LCOR: variants seen among roughly 807,000 people sequenced by gnomAD.
LCOR encodes the protein ligand dependent nuclear receptor corepressor.
In LCOR, 14 loss-of-function variants were observed where a neutral mutation model predicts 64.4. That is an observed-to-expected ratio of 0.22 (90% confidence interval 0.14 to 0.34). LCOR has a LOEUF of 0.34. Among genes scored for constraint, LCOR ranks in the 10% least tolerant of loss-of-function variants. The probability of loss-of-function intolerance (pLI) is 1.00; values close to 1 mark genes in which losing one functional copy is unlikely to be tolerated. For missense variants in LCOR, 1,686 were observed against 1,765.3 expected, an observed-to-expected ratio of 0.96 and a Z score of 0.80; for synonymous variants, 643 against 642.5, an observed-to-expected ratio of 1.00 and a Z score of -0.01.
chr10:96,938,228 T>C (rs956974348), intron 4 of LCOR, among the ~76,000 whole-genome samples: 1 of 149,850 alleles, frequency 6.7e-6, no homozygotes, highest in Admixed American at 6.6e-5. Flanking sequence ...ATTACAGGCA[T>C]GAGCCGCTGT....
At chr10:96,936,025 A>G (rs1220564565) in intron 4 of LCOR, among the ~76,000 whole-genome samples, 1 of 152,238 alleles carries the variant, frequency 6.6e-6, no homozygotes, top group Non-Finnish European at 1.5e-5. Context: ...TGATTCATGA[A>G]TCGGGCAGCC....
chr10:96,843,904 G>C (rs1198932736), intron 2 of LCOR, among the ~76,000 whole-genome samples: 1 of 151,972 alleles, frequency 6.6e-6, no homozygotes, highest in Non-Finnish European at 1.5e-5. Flanking sequence ...TTTCTTAAAA[G>C]CTACCATATG....
At chr10:96,871,348 T>C (rs1846069017) in intron 2 of LCOR, among the ~76,000 whole-genome samples, 5 of 151,406 alleles carry the variant, frequency 3.3e-5, no homozygotes, top group Admixed American at 3.3e-4. Flanking sequence ...GAGCCACCAC[T>C]CCCAGGCTCA....
intron 7 of LCOR, chr10:96,957,946 G>A: frequency 1.0e-6 from 1 of 986,788 alleles, no homozygotes; most frequent in Non-Finnish European, 1.2e-6. Context: ...ACAATATTTT[G>A]TCACCTAGCT....
At chr10:96,916,426 G>C (rs943063478) in intron 4 of LCOR, among the ~76,000 whole-genome samples, 2 of 151,648 alleles carry the variant, frequency 1.3e-5, no homozygotes, top group African/African-American at 4.9e-5. Flanking sequence ...AATACTTTGG[G>C]CATATTCAAA....
intron 2 of LCOR, among the ~76,000 whole-genome samples, chr10:96,839,626 AT>A (rs879473170): frequency 1.3e-3 from 190 of 151,514 alleles, no homozygotes; most frequent in Middle Eastern, 3.4e-3. Flanking sequence ...TTAAGATTAC[AT>A]TTTTTTTGTT....
intron 2 of LCOR, among the ~76,000 whole-genome samples, chr10:96,889,331 T>C (rs1350372830): frequency 6.6e-6 from 1 of 152,244 alleles, no homozygotes; most frequent in African/African-American, 2.4e-5. Flanking sequence ...TCAGCTCAGG[T>C]TGCCATAACC....
chr10:96,890,420 A>G (rs1033872591), intron 2 of LCOR, among the ~76,000 whole-genome samples: 3 of 152,188 alleles, frequency 2.0e-5, no homozygotes, highest in African/African-American at 4.8e-5. Context: ...CTTGTATTCT[A>G]CAACCTTGCT....
chr10:96,891,336 G>T (rs1269980140), intron 2 of LCOR, among the ~76,000 whole-genome samples: 1 of 151,642 alleles, frequency 6.6e-6, no homozygotes, highest in East Asian at 1.9e-4. Context: ...GTTTCTATAA[G>T]ATTGTAAAGA....
chr10:96,947,904 AT>A (rs1245996603), intron 5 of LCOR, among the ~76,000 whole-genome samples: 1 of 151,908 alleles, frequency 6.6e-6, no homozygotes, highest in Non-Finnish European at 1.5e-5. Flanking sequence ...ATGGTGATTG[AT>A]TTGATTGACC....
At chr10:96,847,006 A>G (rs1845640545) in intron 2 of LCOR, among the ~76,000 whole-genome samples, 1 of 152,146 alleles carries the variant, frequency 6.6e-6, no homozygotes, top group African/African-American at 2.4e-5. Flanking sequence ...ACTTTGGGAG[A>G]CCGAGGTGGG....
At chr10:96,932,390 A>G (rs1006377530) in intron 4 of LCOR, among the ~76,000 whole-genome samples, 5 of 152,174 alleles carry the variant, frequency 3.3e-5, no homozygotes, top group Non-Finnish European at 7.4e-5. Flanking sequence ...CCATTAAAAC[A>G]TATTGATCCT....
At chr10:96,833,929 G>A (rs1479688801) in intron 2 of LCOR, among the ~76,000 whole-genome samples, 4 of 152,194 alleles carry the variant, frequency 2.6e-5, no homozygotes, top group Admixed American at 2.0e-4. Flanking sequence ...AGGGGGTGTG[G>A]AGAGGCTCAG....
intron 2 of LCOR, among the ~76,000 whole-genome samples, chr10:96,891,668 G>C (rs934521783): frequency 6.7e-6 from 1 of 148,978 alleles, no homozygotes; most frequent in Admixed American, 6.8e-5. Flanking sequence ...TCAGCCTCCT[G>C]AGTAGCTGGG....
At chr10:96,936,253 G>A (rs560810360) in intron 4 of LCOR, among the ~76,000 whole-genome samples, 40 of 152,342 alleles carry the variant, frequency 2.6e-4, no homozygotes, top group African/African-American at 9.6e-4. Flanking sequence ...CGAATGAGAT[G>A]TACTTAGCAG....
chr10:96,919,666 C>T (rs2134469757), intron 4 of LCOR, among the ~76,000 whole-genome samples: 1 of 152,244 alleles, frequency 6.6e-6, no homozygotes, highest in Middle Eastern at 3.4e-3. Context: ...CCATTTCCTC[C>T]TCTCTTTAGC....
At chr10:96,868,179 G>A (rs901789750) in intron 2 of LCOR, among the ~76,000 whole-genome samples, 6 of 149,916 alleles carry the variant, frequency 4.0e-5, no homozygotes, top group Non-Finnish European at 5.9e-5. Flanking sequence ...CCACCGCACC[G>A]GGCCGAATAT....
At chr10:96,966,315 G>A (rs1160691169) in intron 7 of LCOR, among the ~76,000 whole-genome samples, 7 of 128,604 alleles carry the variant, frequency 5.4e-5, no homozygotes, top group Admixed American at 1.9e-4. Flanking sequence ...TGCAAACTCC[G>A]CCTCCCAGGT....
chr10:96,854,603 A>G (rs1845772802), intron 2 of LCOR, among the ~76,000 whole-genome samples: 1 of 152,202 alleles, frequency 6.6e-6, no homozygotes, highest in Admixed American at 6.5e-5. Flanking sequence ...CTGGGATTAC[A>G]GGCTTGAGCC....
Sources: gnomAD v4.1 joint callset for allele counts (sites outside exome capture counted in the v4.1 genomes callset) on GRCh38, gnomAD v4.1.1 for gene constraint, MANE v1.5 for transcripts, NCBI Gene and HGNC (gene_info 2026-07-23, HGNC 2026-07-21) for gene names.